Variants in MAF observed in about 807,000 individuals in gnomAD.
The protein encoded by MAF is transcription factor Maf.
In MAF, 10 loss-of-function variants were observed where a neutral mutation model predicts 22.0. The observed-to-expected ratio is 0.45, with a 90% confidence interval of 0.28 to 0.77. The LOEUF (loss-of-function observed/expected upper bound fraction) is 0.77. MAF is among the 30% of genes least tolerant of loss of function. MAF has a pLI of 0.12. For missense variants in MAF, 544 were observed against 548.4 expected (o/e 0.99, Z 0.08); for synonymous variants, 337 against 255.8 (o/e 1.32, Z -3.03).
chr16:79,224,264 T>C, the MAF span, among the ~76,000 whole-genome samples: 1 of 152,164 alleles, frequency 6.6e-6, no homozygotes, highest in Non-Finnish European at 1.5e-5. Context: ...AAAAACCACA[T>C]GATTCTCGCA....
chr16:79,599,862 G>T lies in MAF; in HGVS notation c.41C>A (p.Thr14Asn). The stretch of plus-strand genomic sequence containing the variant: ...AACATATTCCATGGCCAGGGGACTG[G>T]TGGGCAGGTCGGAGTTGCTCATTGC... Reference protein sequence around the residue: ...ELAMSNSDLPTSPLAMEYVND... With the variant: ...ELAMSNSDLPNSPLAMEYVND... The change falls in exon 1 of 2, where the codon ACC (threonine) becomes AAC (asparagine). Residue 14 changes from threonine to asparagine, a missense_variant. Coordinates refer to ENST00000326043, the MANE Select transcript of MAF (RefSeq NM_005360.5). The T allele has an allele frequency of 6.2e-7, 1 of 1,608,828 alleles. No individual in the cohort carries two copies.
the MAF span, among the ~76,000 whole-genome samples, chr16:79,537,880 G>A: frequency 6.6e-5 from 10 of 152,122 alleles, no homozygotes; most frequent in Non-Finnish European, 1.3e-4. Flanking sequence ...TGAATTCCTG[G>A]CTTGATGTAG....
At chr16:79,427,689 C>A in the MAF span, among the ~76,000 whole-genome samples, 1 of 152,038 alleles carries the variant, frequency 6.6e-6, no homozygotes, top group Non-Finnish European at 1.5e-5. Context: ...ATCTGCTTGC[C>A]TGGAAAGCCG....
the MAF span, among the ~76,000 whole-genome samples, chr16:79,503,401 A>T: frequency 2.0e-5 from 3 of 152,374 alleles, no homozygotes; most frequent in Non-Finnish European, 4.4e-5. Context: ...TTTATAAAAA[A>T]TTTTGATAAT....
chr16:79,207,910 G>T, the MAF span, among the ~76,000 whole-genome samples: 1 of 152,058 alleles, frequency 6.6e-6, no homozygotes, highest in African/African-American at 2.4e-5. Flanking sequence ...GTTATCAAAT[G>T]AATGTTGATG....
chr16:79,365,256 G>A, the MAF span, among the ~76,000 whole-genome samples: 1 of 152,142 alleles, frequency 6.6e-6, no homozygotes, highest in African/African-American at 2.4e-5. Context: ...CCCACGATAG[G>A]TAGGCCCTGC....
chr16:79,482,561 T>G, the MAF span, among the ~76,000 whole-genome samples: 1 of 152,164 alleles, frequency 6.6e-6, no homozygotes, highest in Non-Finnish European at 1.5e-5. Flanking sequence ...CATTACAGAA[T>G]GAGGAGTTCA....
At chr16:79,256,796 A>C in the MAF span, among the ~76,000 whole-genome samples, 1 of 152,136 alleles carries the variant, frequency 6.6e-6, no homozygotes, top group African/African-American at 2.4e-5. Context: ...TTAAGCCTTA[A>C]AAATCTCCCC....
At chr16:79,598,601 T>TGC (rs1555529710) in intron 1 of MAF, 184 bp downstream of exon 1, 162 of 1,483,330 alleles carry the variant, frequency 1.1e-4, no homozygotes, top group Middle Eastern at 2.4e-4. Flanking sequence ...TGTGTGTGTG[T>TGC]GTGTGTGTGG....
chr16:79,341,578 A>C, the MAF span, among the ~76,000 whole-genome samples: 1 of 152,220 alleles, frequency 6.6e-6, no homozygotes, highest in African/African-American at 2.4e-5. Flanking sequence ...CCCTGGAGTG[A>C]CTATATAGTT....
chr16:79,514,837 G>C, the MAF span, among the ~76,000 whole-genome samples: 1 of 152,210 alleles, frequency 6.6e-6, no homozygotes, highest in Non-Finnish European at 1.5e-5. Flanking sequence ...AGTATGTTTG[G>C]TGTAAATTCT....
At chr16:79,425,222 T>G in the MAF span, among the ~76,000 whole-genome samples, 1 of 152,232 alleles carries the variant, frequency 6.6e-6, no homozygotes, top group Non-Finnish European at 1.5e-5. Context: ...TTCCCATCTA[T>G]TTGATTAATT....
chr16:79,595,459 G>T, intron 1 of MAF: 3 of 1,058,082 alleles, frequency 2.8e-6, no homozygotes, highest in Non-Finnish European at 3.4e-6. Context: ...AAGTCATCGT[G>T]TTTGGCTGTA....
the MAF span, among the ~76,000 whole-genome samples, chr16:79,576,547 G>C: frequency 6.6e-6 from 1 of 150,554 alleles, no homozygotes; most frequent in East Asian, 1.9e-4. Flanking sequence ...CAGGAGGAGT[G>C]CTATTTTTTT....
the MAF span, among the ~76,000 whole-genome samples, chr16:79,453,155 A>G: frequency 6.6e-6 from 1 of 152,124 alleles, no homozygotes; most frequent in Non-Finnish European, 1.5e-5. Flanking sequence ...CTGGTACTCA[A>G]TCATAGTGAG....
the MAF span, among the ~76,000 whole-genome samples, chr16:79,525,741 A>C: frequency 2.0e-5 from 3 of 152,208 alleles, no homozygotes; most frequent in East Asian, 5.8e-4. Context: ...GATTATATCT[A>C]CAAATGGCAT....
At chr16:79,401,503 T>C in the MAF span, among the ~76,000 whole-genome samples, 3 of 152,128 alleles carry the variant, frequency 2.0e-5, no homozygotes, top group African/African-American at 7.2e-5. Flanking sequence ...TCATATATTT[T>C]ATTGGAGCAG....
the MAF span, among the ~76,000 whole-genome samples, chr16:79,233,991 CAA>C: frequency 2.1e-4 from 26 of 125,554 alleles, no homozygotes; most frequent in African/African-American, 1.7e-4. Flanking sequence ...GACTCCATCG[CAA>C]AAAAAAAAAA....
the MAF span, among the ~76,000 whole-genome samples, chr16:79,404,408 C>A: frequency 2.1e-4 from 32 of 152,180 alleles, no homozygotes; most frequent in African/African-American, 7.5e-4. Flanking sequence ...GTGATCTGCC[C>A]GCCTTGGCCT....
Sources: allele counts gnomAD v4.1 joint callset (sites outside exome capture counted in the v4.1 genomes callset), GRCh38; gene constraint gnomAD v4.1.1; transcripts MANE v1.5; gene names NCBI Gene and HGNC (gene_info 2026-07-23, HGNC 2026-07-21).